Variants in ARHGAP44 observed in about 807,000 individuals in gnomAD.
ARHGAP44 encodes rho GTPase-activating protein 44.
Under a neutral mutation model 106.8 loss-of-function variants are expected in ARHGAP44, and 43 were observed. That is an observed-to-expected ratio of 0.40 (90% confidence interval 0.32 to 0.52). The LOEUF (loss-of-function observed/expected upper bound fraction) is 0.52. Among genes scored for constraint, ARHGAP44 ranks in the 20% least tolerant of loss-of-function variants. The probability of loss-of-function intolerance (pLI) is 0.48; values close to 1 mark genes in which losing one functional copy is unlikely to be tolerated. For missense variants in ARHGAP44, 866 were observed against 1,050.5 expected, an observed-to-expected ratio of 0.82 and a Z score of 2.43; for synonymous variants, 439 against 410.3, an observed-to-expected ratio of 1.07 and a Z score of -0.85.
At chr17:12,865,572 G>A (rs2036214400) in intron 1 of ARHGAP44, among the ~76,000 whole-genome samples, 1 of 152,028 alleles carries the variant, frequency 6.6e-6, no homozygotes, top group South Asian at 2.1e-4. Context: ...GGTGGATCAC[G>A]AGGTCAGGAG....
chr17:12,974,360 G>T, intron 18 of ARHGAP44, 50 bp downstream of exon 18: 2 of 1,340,368 alleles, frequency 1.5e-6, no homozygotes, highest in African/African-American at 1.5e-5. Context: ...GGTGCAGGGG[G>T]TGTCTGGGTT....
intron 3 of ARHGAP44, among the ~76,000 whole-genome samples, chr17:12,899,707 G>A (rs2037317863): frequency 6.6e-6 from 1 of 152,196 alleles, no homozygotes; most frequent in Non-Finnish European, 1.5e-5. Flanking sequence ...GGGAGTGTGG[G>A]TCATAGAGTC....
At chr17:12,952,624 A>C in intron 13 of ARHGAP44, 43 bp downstream of exon 13, 2 of 1,436,364 alleles carry the variant, frequency 1.4e-6, no homozygotes, top group Non-Finnish European at 1.9e-6. Context: ...GCTTGGGCTT[A>C]TGTAAGCCTC....
rs1355505261 is a variant in ARHGAP44 at position 12,936,334 on chromosome 17, C to G, written c.583-4722C>G. On this transcript the variant is annotated intron_variant, in intron 7 of 20. Transcript: ENST00000379672. ...GAGAATAATTTCATTGCCCCCAAGT[C>G]CTCTGTGCTCCTCCTATTTATTCCT... is the stretch of plus-strand genomic sequence containing the variant. Among the ~76,000 whole-genome samples, 4 of 152,166 alleles carry G rather than the reference C, an allele frequency of 2.6e-5. No individual in the cohort carries two copies. The East Asian group carries it at 7.7e-4, about 29-fold the overall frequency.
At chr17:12,848,416 C>G (rs1394523648) in intron 1 of ARHGAP44, among the ~76,000 whole-genome samples, 5 of 152,104 alleles carry the variant, frequency 3.3e-5, no homozygotes, top group Admixed American at 3.3e-4. Flanking sequence ...CACCTCAAGC[C>G]ACATTGTCAG....
chr17:12,867,788 T>G (rs561471108), intron 1 of ARHGAP44, among the ~76,000 whole-genome samples: 233 of 152,280 alleles, frequency 1.5e-3, no homozygotes, highest in Middle Eastern at 6.8e-3. Flanking sequence ...TTCTTATAGA[T>G]TAGATGCTAT....
At chr17:12,983,799 C>T (rs1287021297) in intron 19 of ARHGAP44, among the ~76,000 whole-genome samples, 17 of 151,540 alleles carry the variant, frequency 1.1e-4, no homozygotes, top group Admixed American at 9.9e-4. Flanking sequence ...AGCAAAGCTC[C>T]GTCTCCAAAA....
intron 4 of ARHGAP44, among the ~76,000 whole-genome samples, chr17:12,912,587 C>A (rs2037771778): frequency 6.6e-6 from 1 of 151,988 alleles, no homozygotes; most frequent in Non-Finnish European, 1.5e-5. Context: ...CATTGAGCTC[C>A]AATACAATGG....
At chr17:12,795,212 T>C (rs1464639691) in intron 1 of ARHGAP44, among the ~76,000 whole-genome samples, 1 of 152,222 alleles carries the variant, frequency 6.6e-6, no homozygotes, top group African/African-American at 2.4e-5. Context: ...TAGAGTTTTA[T>C]GGAAGCCCAG....
At chr17:12,900,986 C>G (rs148512745) in intron 3 of ARHGAP44, among the ~76,000 whole-genome samples, 2,550 of 136,160 alleles carry the variant, frequency 0.019, 38 homozygotes, top group African/African-American at 0.033. Flanking sequence ...TGCAATGGTA[C>G]AATCTCGGCT....
At chr17:12,975,056 G>T (rs1160586381) in intron 18 of ARHGAP44, among the ~76,000 whole-genome samples, 2 of 151,898 alleles carry the variant, frequency 1.3e-5, no homozygotes, top group African/African-American at 4.8e-5. Flanking sequence ...CACTATGCTG[G>T]CCAGGCTGGT....
In ARHGAP44 at chr17:12,894,097, A is replaced by G. The variant is rs566594879; in HGVS notation, c.54-843A>G. 6.4e-4 allele frequency among the ~76,000 whole-genome samples: 97 copies of G among 152,188 alleles called. 1 individual carries two copies. The highest frequency in any genetic ancestry group is 2.2e-3 in the African/African-American group (92 of 41,522). On this transcript the variant is annotated intron_variant, in intron 1 of 20. Coordinates refer to ENST00000379672, the MANE Select transcript of ARHGAP44 (RefSeq NM_014859.6). ...TTGTTCTTTGATATTTTATACATGTATTATAGTCTTTGATCATTGCAATAG... is the reference window on the plus strand; with the variant it reads ...TTGTTCTTTGATATTTTATACATGTGTTATAGTCTTTGATCATTGCAATAG...
chr17:12,961,821 G>A (rs1827144460), intron 16 of ARHGAP44, among the ~76,000 whole-genome samples: 1 of 152,172 alleles, frequency 6.6e-6, no homozygotes, highest in Non-Finnish European at 1.5e-5. Flanking sequence ...CTGTGCGTAC[G>A]TTTTAAGGAA....
chr17:12,851,242 G>A (rs1331416864), intron 1 of ARHGAP44, among the ~76,000 whole-genome samples: 5 of 152,212 alleles, frequency 3.3e-5, no homozygotes, highest in Non-Finnish European at 7.3e-5. Context: ...AGTTGGCCCA[G>A]TCTCTGTCCG....
intron 16 of ARHGAP44, among the ~76,000 whole-genome samples, chr17:12,963,064 A>C (rs2039303600): frequency 7.1e-6 from 1 of 140,138 alleles, no homozygotes; most frequent in Non-Finnish European, 1.6e-5. Flanking sequence ...AAAAAAAAAA[A>C]AAAAAAGCAA....
At chr17:12,879,846 C>T (rs1229185550) in intron 1 of ARHGAP44, among the ~76,000 whole-genome samples, 1 of 151,562 alleles carries the variant, frequency 6.6e-6, no homozygotes, top group Non-Finnish European at 1.5e-5. Flanking sequence ...CTGCTGTTTA[C>T]CTGAAGTCTT....
chr17:12,933,046 G>A (rs761301693), intron 7 of ARHGAP44, among the ~76,000 whole-genome samples: 1 of 152,166 alleles, frequency 6.6e-6, no homozygotes, highest in Non-Finnish European at 1.5e-5. Context: ...TTTGTGTGCT[G>A]AACTGACCTC....
At chr17:12,929,125 T>C in intron 7 of ARHGAP44, 79 bp downstream of exon 7, 2 of 1,300,546 alleles carry the variant, frequency 1.5e-6, no homozygotes, top group Non-Finnish European at 2.2e-6. Flanking sequence ...ACTGGAGTTC[T>C]CTTAAAACTC....
chr17:12,824,741 C>CA (rs2034869708), intron 1 of ARHGAP44, among the ~76,000 whole-genome samples: 1 of 151,944 alleles, frequency 6.6e-6, no homozygotes, highest in Admixed American at 6.6e-5. Context: ...TAAGGTTCTA[C>CA]ACAGCCTGGC....
Sources: allele counts gnomAD v4.1 joint callset (sites outside exome capture counted in the v4.1 genomes callset), GRCh38; gene constraint gnomAD v4.1.1; transcripts MANE v1.5; gene names NCBI Gene and HGNC (gene_info 2026-07-23, HGNC 2026-07-21).